The following SPEF2 variants were observed in gnomAD, a reference collection of about 807,000 sequenced individuals.
The protein encoded by SPEF2 is sperm flagellar and cilia associated 2, also known as sperm flagella and cilia-associated protein 2.
A neutral mutation model predicts 224.6 loss-of-function variants in SPEF2; 187 were observed. The ratio of observed to expected loss-of-function variants is 0.83; its 90% CI spans 0.74 to 0.94. The LOEUF (loss-of-function observed/expected upper bound fraction) is 0.94. Among genes scored for constraint, SPEF2 ranks in the 40% least tolerant of loss-of-function variants. SPEF2 has a pLI of 0.00. For synonymous variants in SPEF2, 715 were observed against 707.3 expected (o/e 1.01, Z -0.17); for missense variants, 2,170 against 2,135.6 (o/e 1.02, Z -0.32).
At chr5:35,670,646 G>C in intron 10 of SPEF2, 1 of 985,944 alleles carries the variant, frequency 1.0e-6, no homozygotes, top group Non-Finnish European at 1.2e-6. Context: ...GGAAGTCTGG[G>C]TTTTATGAAT....
chr5:35,641,401 T>C, intron 2 of SPEF2, 30 bp from the exon 3 acceptor site: 1 of 1,586,246 alleles, frequency 6.3e-7, no homozygotes, highest in Non-Finnish European at 8.6e-7. Context: ...AATGCTAATG[T>C]CTAATTATGT....
In SPEF2 at chr5:35,753,744, T is replaced by G; in HGVS notation, c.3451T>G (p.Phe1151Val). The change falls in exon 24 of 37, where the codon TTC (phenylalanine) becomes GTC (valine). Residue 1151 changes from phenylalanine to valine, a missense_variant. Transcript: ENST00000356031. The part of the protein sequence containing the change: ...QDTLGMTMNH[F>V]FSLMQAELNR... ...CACTCTTGGAATGACAATGAACCAT[T>G]TCTTTTCCCTGATGCAGGTAAGAGC... The G allele has an allele frequency of 6.2e-7, 1 of 1,614,094 alleles. No individual in the cohort carries two copies. The highest frequency in any genetic ancestry group is 8.5e-7 in the Non-Finnish European group (1 of 1,179,990).
intron 28 of SPEF2, among the ~76,000 whole-genome samples, 197 bp downstream of exon 28, chr5:35,774,218 T>G (rs2149788864): frequency 6.6e-6 from 1 of 152,316 alleles, no homozygotes; most frequent in South Asian, 2.1e-4. Context: ...ATGAGTCAGA[T>G]GTTTTGGCAT....
chr5:35,753,802 A>G, intron 24 of SPEF2, 41 bp downstream of exon 24: 1 of 1,612,302 alleles, frequency 6.2e-7, no homozygotes, highest in Non-Finnish European at 8.5e-7. Context: ...ACTTCCCTTC[A>G]CAGCCTCATT....
intron 18 of SPEF2, among the ~76,000 whole-genome samples, chr5:35,708,447 A>G (rs1355926278): frequency 6.6e-6 from 1 of 151,742 alleles, no homozygotes; most frequent in African/African-American, 2.4e-5. Flanking sequence ...CTAGATTATC[A>G]CTTTTACATT....
At chr5:35,643,082 G>A (rs1348606809) in intron 3 of SPEF2, among the ~76,000 whole-genome samples, 1 of 152,192 alleles carries the variant, frequency 6.6e-6, no homozygotes, top group East Asian at 1.9e-4. Context: ...AAGAAAAAGA[G>A]TGGACTAACT....
intron 3 of SPEF2, among the ~76,000 whole-genome samples, chr5:35,643,237 T>C (rs938171112): frequency 6.6e-6 from 1 of 152,186 alleles, no homozygotes; most frequent in African/African-American, 2.4e-5. Context: ...ATTCATTCAC[T>C]GAACAAATAT....
At position 35,709,264 on chromosome 5, in the gene SPEF2, A is replaced by G. The variant is rs1461178371; in HGVS notation, c.2839+143A>G. 2.0e-6 allele frequency: 3 copies of G among 1,466,162 alleles called. No homozygotes were observed. In the East Asian group the frequency reaches 7.5e-5, roughly 37 times the overall value. 90.8% of individuals were successfully genotyped at this position (1,466,162 alleles called of 1,614,324 possible). Reference sequence around the variant, plus strand: ...AGGCTTTACACTCAGATGGAAGTGGAAAAGCCCTCGGAGTAGCTAAAAGCG... The same window carrying G: ...AGGCTTTACACTCAGATGGAAGTGGGAAAGCCCTCGGAGTAGCTAAAAGCG... On this transcript the variant is annotated intron_variant, in intron 19 of 36. Coordinates refer to ENST00000356031, the MANE Select transcript of SPEF2 (RefSeq NM_024867.4).
intron 21 of SPEF2, among the ~76,000 whole-genome samples, chr5:35,736,744 G>A (rs1424051944): frequency 6.6e-6 from 1 of 152,194 alleles, no homozygotes; most frequent in African/African-American, 2.4e-5. Flanking sequence ...GGTCTTGTTT[G>A]ATGAGGGGAA....
chr5:35,701,688 G>A (rs1002066065), intron 16 of SPEF2, among the ~76,000 whole-genome samples: 1 of 152,078 alleles, frequency 6.6e-6, no homozygotes, highest in Non-Finnish European at 1.5e-5. Context: ...AATGATTCGT[G>A]TTCTTAGAAA....
rs1366185470 is a variant in SPEF2, at chr5:35,793,280, A to G, written c.4676A>G (p.Gln1559Arg). 1.2e-6 allele frequency: 2 copies of G among 1,614,100 alleles called. No homozygotes were observed. Among genetic ancestry groups the G allele is most frequent in the South Asian group, 2.2e-5 (2 of 91,088 alleles). ...GAGGAGGAGCTCCTTGAGACCCTTC[A>G]GAAGTTCAAGGCTGTGGATAAGGAG... ...PLEEELLETL[Q>R]KFKAVDKEQL... The change falls in exon 32 of 37, where the codon CAG becomes CGG. Residue 1559 changes from glutamine to arginine, a missense_variant. Physicochemically the swap from Gln to Arg is conservative, Grantham distance 43 (BLOSUM62 1). Coordinates refer to ENST00000356031, the MANE Select transcript of SPEF2 (RefSeq NM_024867.4).
intron 12 of SPEF2, among the ~76,000 whole-genome samples, chr5:35,693,432 A>G (rs1427208095): frequency 3.3e-5 from 5 of 152,222 alleles, no homozygotes; most frequent in African/African-American, 1.2e-4. Context: ...GTAGATCTCA[A>G]TTGGGGGATG....
At position 35,806,733 on chromosome 5, in the gene SPEF2, T is replaced by C; in HGVS notation, c.5037T>C (p.Ala1679=). 1 of 1,613,792 alleles carries C rather than the reference T, an allele frequency of 6.2e-7. No individual in the cohort carries two copies. Among genetic ancestry groups the C allele is most frequent in the Non-Finnish European group, 8.5e-7 (1 of 1,179,928 alleles). Residue 1679 remains alanine (A), a synonymous_variant, in exon 35 of 37, where the codon GCT becomes GCC. Coordinates refer to ENST00000356031, the MANE Select transcript of SPEF2 (RefSeq NM_024867.4). The part of the protein sequence containing the change: ...EKTSSTDAGP[A]EEFPEPEENA... The stretch of plus-strand genomic sequence containing the variant: ...CCTCCTCAACTGATGCAGGTCCAGC[T>C]GAGGAATTTCCTGAACCTGAGGAAA...
At chr5:35,729,933 T>A (rs1355271148) in intron 21 of SPEF2, among the ~76,000 whole-genome samples, 1 of 152,204 alleles carries the variant, frequency 6.6e-6, no homozygotes, top group African/African-American at 2.4e-5. Flanking sequence ...CCCAGCCATG[T>A]GGAACTGTAA....
chr5:35,697,679 T>C lies in SPEF2; in HGVS notation c.2038-11T>C. Reference sequence around the variant, plus strand: ...TAGCCATCTTCTGTCATTTCTTGTTTATTTTCCCAGCTCACTACACGTGCT... The same window carrying C: ...TAGCCATCTTCTGTCATTTCTTGTTCATTTTCCCAGCTCACTACACGTGCT... On this transcript the variant is annotated splice_polypyrimidine_tract_variant and intron_variant, in intron 14 of 36. Coordinates refer to ENST00000356031, the MANE Select transcript of SPEF2 (RefSeq NM_024867.4). 6.3e-7 allele frequency: 1 copy of C among 1,599,610 alleles called. No individual in the cohort carries two copies.
At chr5:35,675,442 A>T (rs1488484656) in intron 10 of SPEF2, among the ~76,000 whole-genome samples, 7 of 151,424 alleles carry the variant, frequency 4.6e-5, no homozygotes, top group Admixed American at 4.6e-4. Context: ...TTACAGTGTT[A>T]CCTCTAACTC....
chr5:35,708,149 ATCCT>A (rs1320910997), intron 18 of SPEF2, among the ~76,000 whole-genome samples: 5 of 151,988 alleles, frequency 3.3e-5, no homozygotes, highest in Admixed American at 1.3e-4. Flanking sequence ...TATTCTTGTC[ATCCT>A]TCCTTTTCTT....
chr5:35,810,221 AT>A (rs1254298417), intron 36 of SPEF2, among the ~76,000 whole-genome samples: 6 of 151,930 alleles, frequency 3.9e-5, no homozygotes, highest in Admixed American at 3.3e-4. Context: ...CCCCCACTTT[AT>A]TTTTTTGAGA....
intron 27 of SPEF2, among the ~76,000 whole-genome samples, chr5:35,773,150 G>C (rs57116204): frequency 0.036 from 5,536 of 152,210 alleles, 294 homozygotes; most frequent in South Asian, 0.12. Flanking sequence ...GGCCAAGACA[G>C]GTGGACTGCT....
Sources: allele counts gnomAD v4.1 joint callset (sites outside exome capture counted in the v4.1 genomes callset), GRCh38; gene constraint gnomAD v4.1.1; transcripts MANE v1.5; gene names NCBI Gene and HGNC (gene_info 2026-07-23, HGNC 2026-07-21).